The following MIPEP variants were observed in gnomAD, a reference collection of about 807,000 sequenced individuals.
MIPEP encodes mitochondrial intermediate peptidase.
In MIPEP, 79 loss-of-function variants were observed where a neutral mutation model predicts 90.3. The observed-to-expected ratio is 0.87, with a 90% CI of 0.73 to 1.05. The LOEUF (loss-of-function observed/expected upper bound fraction) is 1.05. Ranked by LOEUF, MIPEP falls within the 50% of genes least tolerant of loss-of-function variation. The probability of loss-of-function intolerance (pLI) is 0.00; values close to 1 mark genes in which losing one functional copy is unlikely to be tolerated. For missense variants in MIPEP, 940 were observed against 905.6 expected (o/e 1.04, Z -0.49); for synonymous variants, 334 against 315.8 (o/e 1.06, Z -0.61).
At chr13:23,887,155 CAT>C in intron 1 of MIPEP, among the ~76,000 whole-genome samples, 1 of 152,248 alleles carries the variant, frequency 6.6e-6, no homozygotes, top group South Asian at 2.1e-4. Flanking sequence ...ATATTAAAAT[CAT>C]AGGCTGAAAC....
At chr13:23,757,033 G>A (rs1952496839) in intron 17 of MIPEP, among the ~76,000 whole-genome samples, 1 of 152,260 alleles carries the variant, frequency 6.6e-6, no homozygotes, top group Admixed American at 6.5e-5. Flanking sequence ...CATTTACGGT[G>A]CACTTTATTA....
chr13:23,853,376 T>C (rs142278552), intron 10 of MIPEP, among the ~76,000 whole-genome samples: 33 of 152,300 alleles, frequency 2.2e-4, no homozygotes, highest in African/African-American at 7.7e-4. Flanking sequence ...TTTCCATGTT[T>C]AGATGCATAT....
chr13:23,746,886 T>A (rs1346903178), intron 18 of MIPEP, among the ~76,000 whole-genome samples: 1 of 152,196 alleles, frequency 6.6e-6, no homozygotes, highest in Non-Finnish European at 1.5e-5. Flanking sequence ...CCTCTGGACG[T>A]ATCTCAAAAT....
At chr13:23,817,555 C>T (rs1953254755) in intron 14 of MIPEP, among the ~76,000 whole-genome samples, 1 of 152,186 alleles carries the variant, frequency 6.6e-6, no homozygotes, top group African/African-American at 2.4e-5. Flanking sequence ...GTCTGCCTTA[C>T]TGTTCTTTAA....
At chr13:23,867,550 G>A (rs955093043) in intron 7 of MIPEP, among the ~76,000 whole-genome samples, 4 of 151,994 alleles carry the variant, frequency 2.6e-5, no homozygotes, top group East Asian at 1.9e-4. Flanking sequence ...TACTTATTTC[G>A]TTCTTTACTG....
intron 18 of MIPEP, among the ~76,000 whole-genome samples, chr13:23,732,227 G>A (rs184555095): frequency 1.3e-5 from 2 of 151,952 alleles, no homozygotes; most frequent in South Asian, 2.1e-4. Flanking sequence ...GGGCTCAAGC[G>A]ATCCTCCTGC....
intron 4 of MIPEP, among the ~76,000 whole-genome samples, chr13:23,878,866 G>A (rs1871171572): frequency 6.6e-6 from 1 of 152,178 alleles, no homozygotes; most frequent in Admixed American, 6.5e-5. Flanking sequence ...ATTATTAACT[G>A]TCTACAGGAG....
intron 14 of MIPEP, among the ~76,000 whole-genome samples, chr13:23,823,674 T>C (rs1953335072): frequency 1.3e-5 from 2 of 152,050 alleles, no homozygotes; most frequent in Admixed American, 6.6e-5. Context: ...ACAAAAAAAT[T>C]TAAAATTAGC....
At chr13:23,844,653 AT>A (rs1869457086) in intron 10 of MIPEP, among the ~76,000 whole-genome samples, 2 of 152,336 alleles carry the variant, frequency 1.3e-5, no homozygotes, top group African/African-American at 4.8e-5. Context: ...ACATATTAAA[AT>A]TCTACCCTTC....
Position 23,799,642 on chromosome 13 carries a change from T to C in MIPEP, c.1848+6308A>G, listed in dbSNP as rs184526848. 8.4e-4 allele frequency among the ~76,000 whole-genome samples: 128 copies of C among 152,320 alleles called. 1 individual carries two copies. Among genetic ancestry groups the C allele is most frequent in the South Asian group, 1.0e-3 (5 of 4,826 alleles). Reference sequence around the variant, plus strand: ...CGCCCGGCCTAGGATAATTTTTAACTAATGCTAACACGGTGTCACTATAAT... The same window carrying C: ...CGCCCGGCCTAGGATAATTTTTAACCAATGCTAACACGGTGTCACTATAAT... On this transcript the variant is annotated intron_variant, in intron 16 of 18. Transcript: ENST00000382172.
intron 10 of MIPEP, among the ~76,000 whole-genome samples, chr13:23,847,745 A>G (rs574990511): frequency 6.6e-6 from 1 of 152,334 alleles, no homozygotes; most frequent in Admixed American, 6.5e-5. Flanking sequence ...GAGATATCTT[A>G]GCAGGTCTGC....
chr13:23,785,740 G>A (rs995587801), intron 16 of MIPEP, among the ~76,000 whole-genome samples: 3 of 151,510 alleles, frequency 2.0e-5, no homozygotes, highest in East Asian at 1.9e-4. Flanking sequence ...CAGGTAAATC[G>A]AACAGTAAAA....
chr13:23,889,049 T>C, intron 1 of MIPEP, 83 bp downstream of exon 1: 1 of 1,254,324 alleles, frequency 8.0e-7, no homozygotes, highest in East Asian at 3.2e-5. Context: ...GCCCAAACAA[T>C]CTCGCCCTGA....
intron 10 of MIPEP, among the ~76,000 whole-genome samples, chr13:23,855,365 C>A (rs1192222138): frequency 6.6e-6 from 1 of 152,054 alleles, no homozygotes; most frequent in Non-Finnish European, 1.5e-5. Flanking sequence ...TAAACAGGTT[C>A]TTTTCTTTAG....
chr13:23,753,025 C>T (rs182745789), intron 18 of MIPEP, among the ~76,000 whole-genome samples: 100 of 152,050 alleles, frequency 6.6e-4, no homozygotes, highest in African/African-American at 2.0e-3. Flanking sequence ...GTCAGGAGTT[C>T]GAGACCAGCC....
At chr13:23,846,887 G>A (rs2137473578) in intron 10 of MIPEP, among the ~76,000 whole-genome samples, 1 of 152,252 alleles carries the variant, frequency 6.6e-6, no homozygotes, top group South Asian at 2.1e-4. Context: ...CACTATGACA[G>A]TGGGCTAAGC....
At chr13:23,787,304 C>T (rs1039051820) in intron 16 of MIPEP, among the ~76,000 whole-genome samples, 2 of 152,118 alleles carry the variant, frequency 1.3e-5, no homozygotes, top group Non-Finnish European at 2.9e-5. Context: ...GATCCAGTGT[C>T]TGATGACGGC....
chr13:23,875,035 C>T, intron 4 of MIPEP, 126 bp from the exon 5 acceptor site: 1 of 420,894 alleles, frequency 2.4e-6, no homozygotes, highest in Non-Finnish European at 4.2e-6. Context: ...AAAACACACA[C>T]ACACACACAC....
intron 7 of MIPEP, among the ~76,000 whole-genome samples, chr13:23,867,997 C>T (rs889319700): frequency 1.3e-5 from 2 of 151,476 alleles, no homozygotes; most frequent in African/African-American, 4.8e-5. Context: ...ACAGCGACTA[C>T]AGAAAAACAT....
Sources: allele counts gnomAD v4.1 joint callset (sites outside exome capture counted in the v4.1 genomes callset), GRCh38; gene constraint gnomAD v4.1.1; transcripts MANE v1.5; gene names NCBI Gene and HGNC (gene_info 2026-07-23, HGNC 2026-07-21).